Variants in TPO observed in about 807,000 individuals in gnomAD.
TPO encodes the protein thyroid peroxidase.
In TPO, 78 loss-of-function variants were observed where a neutral mutation model predicts 96.9. The ratio of observed to expected loss-of-function variants is 0.81; its 90% CI spans 0.67 to 0.97. The LOEUF is 0.97. TPO is among the 50% of genes least tolerant of loss of function. The pLI is 0.00. For synonymous variants in TPO, 547 were observed against 538.0 expected, an observed-to-expected ratio of 1.02 and a Z score of -0.23; for missense variants, 1,252 against 1,274.8, an observed-to-expected ratio of 0.98 and a Z score of 0.27.
chr2:1,442,411 A>G (rs185868353), intron 5 of TPO, among the ~76,000 whole-genome samples: 7 of 152,358 alleles, frequency 4.6e-5, no homozygotes, highest in African/African-American at 7.2e-5. Flanking sequence ...TCAATGGACT[A>G]TCTTACCACA....
intron 1 of TPO, among the ~76,000 whole-genome samples, chr2:1,413,929 A>G (rs1203337220): frequency 6.6e-6 from 1 of 152,242 alleles, no homozygotes; most frequent in Non-Finnish European, 1.5e-5. Flanking sequence ...TTCTAAAATC[A>G]TTTTATGGAC....
intron 5 of TPO, among the ~76,000 whole-genome samples, chr2:1,436,883 G>C (rs763059313): frequency 6.6e-6 from 1 of 152,042 alleles, no homozygotes; most frequent in Non-Finnish European, 1.5e-5. Flanking sequence ...CCCCATTCAC[G>C]CTCCCTGTTA....
At chr2:1,530,308 A>C (rs1377837841) in intron 15 of TPO, among the ~76,000 whole-genome samples, 5 of 123,276 alleles carry the variant, frequency 4.1e-5, no homozygotes, top group Non-Finnish European at 3.4e-5. Flanking sequence ...GCAACCTCCT[A>C]AAATCCCCAC....
chr2:1,472,395 T>C (rs1669508815), intron 7 of TPO, among the ~76,000 whole-genome samples: 1 of 152,218 alleles, frequency 6.6e-6, no homozygotes, highest in Non-Finnish European at 1.5e-5. Context: ...CGGTGTGCCC[T>C]TTCCATGATA....
intron 3 of TPO, among the ~76,000 whole-genome samples, chr2:1,424,902 A>G (rs1245378301): frequency 1.2e-5 from 1 of 85,608 alleles, no homozygotes; most frequent in Admixed American, 1.1e-4. Context: ...ATTTTTCTAG[A>G]TGTTGGGATA....
chr2:1,460,494 G>A (rs558107226), intron 7 of TPO, among the ~76,000 whole-genome samples: 21 of 152,136 alleles, frequency 1.4e-4, no homozygotes, highest in African/African-American at 4.6e-4. Flanking sequence ...TATTATCTGC[G>A]TGTATATAGG....
intron 15 of TPO, among the ~76,000 whole-genome samples, chr2:1,525,363 C>T (rs537497603): frequency 1.3e-3 from 187 of 143,546 alleles, no homozygotes; most frequent in Non-Finnish European, 2.5e-3. Context: ...CAAATCTCCC[C>T]CACTGTGAGC....
chr2:1,388,088 T>C (rs979483449), intron 1 of TPO, among the ~76,000 whole-genome samples: 2 of 152,164 alleles, frequency 1.3e-5, no homozygotes, highest in African/African-American at 4.8e-5. Flanking sequence ...CTCAGAGGGG[T>C]ACCCGGCTGT....
chr2:1,395,941 A>G (rs1165072670), intron 1 of TPO, among the ~76,000 whole-genome samples: 1 of 152,080 alleles, frequency 6.6e-6, no homozygotes, highest in African/African-American at 2.4e-5. Context: ...AGTCCATTAA[A>G]CCTCTTCCTC....
intron 13 of TPO, among the ~76,000 whole-genome samples, chr2:1,499,832 G>C (rs1672701369): frequency 6.6e-6 from 1 of 152,214 alleles, no homozygotes; most frequent in African/African-American, 2.4e-5. Context: ...CATTTAATCT[G>C]TCTCCCAAAT....
In TPO at chr2:1,477,211, G is replaced by A. The variant is rs983201508; in HGVS notation, c.945G>A (p.Gln315=). ...ACCTGTCCACGGCCAACCCGCGGCA[G>A]CAGATGAACGGGTTGACCTCGTTCC... ...FGNLSTANPR[Q]QMNGLTSFLD... The change falls in exon 8 of 17, where the codon CAG becomes CAA. Residue 315 remains glutamine, a synonymous_variant. Coordinates refer to ENST00000329066, the MANE Select transcript of TPO (RefSeq NM_001206744.2). 2 of 1,610,066 alleles carry A rather than the reference G, an allele frequency of 1.2e-6. No homozygotes were observed. Among genetic ancestry groups the A allele is most frequent in the Non-Finnish European group, 1.7e-6 (2 of 1,179,018 alleles).
chr2:1,511,723 G>A (rs563461299), intron 14 of TPO, among the ~76,000 whole-genome samples: 1 of 152,290 alleles, frequency 6.6e-6, no homozygotes, highest in East Asian at 1.9e-4. Context: ...GGACATAGCT[G>A]CCTTGGGCCA....
Position 1,494,473 on chromosome 2 carries a change from G to A in TPO, c.2006+434G>A, listed in dbSNP as rs576089959. Among the ~76,000 whole-genome samples, 312 of 152,286 alleles carry A rather than the reference G, an allele frequency of 2.0e-3. 1 individual carries two copies. The highest frequency in any genetic ancestry group is 7.3e-3 in the African/African-American group (303 of 41,566). ...GCCTCTAGGCTGGACAGGACTTCCC[G>A]GCCCCCCAGACCCCACCTACAGATA... On this transcript the variant is annotated intron_variant, in intron 11 of 16. Coordinates refer to ENST00000329066, the MANE Select transcript of TPO (RefSeq NM_001206744.2).
chr2:1,419,217 G>A (rs2148419804), intron 2 of TPO, among the ~76,000 whole-genome samples: 1 of 152,290 alleles, frequency 6.6e-6, no homozygotes, highest in Non-Finnish European at 1.5e-5. Context: ...CTTCTCCAGA[G>A]CAAGTAATTA....
chr2:1,397,454 A>G (rs1235179755), intron 1 of TPO, among the ~76,000 whole-genome samples: 1 of 152,200 alleles, frequency 6.6e-6, no homozygotes, highest in African/African-American at 2.4e-5. Flanking sequence ...TCCCCAGGCA[A>G]GCCCTGAAAG....
At chr2:1,384,272 A>T (rs1307082245) in intron 1 of TPO, among the ~76,000 whole-genome samples, 1 of 152,134 alleles carries the variant, frequency 6.6e-6, no homozygotes, top group Non-Finnish European at 1.5e-5. Context: ...CTTCATGGGG[A>T]TGGCACTGAA....
intron 7 of TPO, among the ~76,000 whole-genome samples, chr2:1,458,303 A>G (rs973279758): frequency 6.6e-6 from 1 of 150,544 alleles, no homozygotes; most frequent in Admixed American, 6.6e-5. Context: ...GTGTGGACAC[A>G]TGTGTATATA....
rs371378329 is a variant in TPO, at chr2:1,423,140, C to T, written c.179+11C>T. 6.8e-6 allele frequency: 11 copies of T among 1,612,550 alleles called. No homozygotes were observed. The highest frequency in any genetic ancestry group is 1.7e-4 in the Middle Eastern group (1 of 6,016). On this transcript the variant is annotated intron_variant, in intron 3 of 16. Transcript: ENST00000329066. ...CGCCACGATGCAGAGGTGAGCCTTGCGGAGGGGCCGCCGCCCCAAATGCCA... is the reference window on the plus strand; with the variant it reads ...CGCCACGATGCAGAGGTGAGCCTTGTGGAGGGGCCGCCGCCCCAAATGCCA...
intron 5 of TPO, among the ~76,000 whole-genome samples, chr2:1,452,095 T>C (rs1313858977): frequency 6.6e-6 from 1 of 152,248 alleles, no homozygotes; most frequent in Non-Finnish European, 1.5e-5. Context: ...TTACTTTTTA[T>C]GTATTTTATA....
Sources: allele counts gnomAD v4.1 joint callset (sites outside exome capture counted in the v4.1 genomes callset), GRCh38; gene constraint gnomAD v4.1.1; transcripts MANE v1.5; gene names NCBI Gene and HGNC (gene_info 2026-07-23, HGNC 2026-07-21).